Variants in MBTPS1 observed in about 807,000 individuals in gnomAD.
The protein encoded by MBTPS1 is membrane bound transcription factor peptidase, site 1.
A neutral mutation model predicts 127.8 loss-of-function variants in MBTPS1; 94 were observed. The ratio of observed to expected loss-of-function variants is 0.74; its 90% CI spans 0.62 to 0.87. MBTPS1 has a LOEUF of 0.87. Among genes scored for constraint, MBTPS1 ranks in the 40% least tolerant of loss-of-function variants. The pLI is 0.00. For missense variants in MBTPS1, 1,636 were observed against 1,353.2 expected (o/e 1.21, Z -3.28); for synonymous variants, 632 against 509.4 (o/e 1.24, Z -3.24).
At chr16:84,083,254 C>G (rs2085968393) in intron 10 of MBTPS1, among the ~76,000 whole-genome samples, 1 of 152,162 alleles carries the variant, frequency 6.6e-6, no homozygotes, top group Admixed American at 6.5e-5. Flanking sequence ...GGCCAGGTAG[C>G]CCACTATCCA....
intron 1 of MBTPS1, among the ~76,000 whole-genome samples, chr16:84,116,422 C>G (rs1308754840): frequency 5.9e-5 from 9 of 152,222 alleles, no homozygotes; most frequent in Non-Finnish European, 1.3e-4. Flanking sequence ...CGGAAGCGCA[C>G]CTAGAATTGA....
At chr16:84,079,550 C>T (rs373188184) in intron 11 of MBTPS1, among the ~76,000 whole-genome samples, 1 of 152,228 alleles carries the variant, frequency 6.6e-6, no homozygotes, top group South Asian at 2.1e-4. Context: ...ATACTATATT[C>T]AAAAAACTCA....
chr16:84,109,960 A>T (rs12923097), intron 1 of MBTPS1, among the ~76,000 whole-genome samples: 24,452 of 152,124 alleles, frequency 0.16, 2,163 homozygotes, highest in Non-Finnish European at 0.2. Flanking sequence ...TTTACTCTCA[A>T]ATGCTTTAGA....
chr16:84,099,775 C>CAA (rs57148184), intron 2 of MBTPS1, among the ~76,000 whole-genome samples: 8 of 76,372 alleles, frequency 1.0e-4, no homozygotes, highest in East Asian at 4.1e-4. Flanking sequence ...GCCTCCGTCT[C>CAA]AAAAAAAAAA....
In MBTPS1 at chr16:84,099,037, C is replaced by T. The variant is rs1394232066; in HGVS notation, c.421+16G>A. 4 of 1,609,306 alleles carry T rather than the reference C, an allele frequency of 2.5e-6. No individual in the cohort carries two copies. The highest frequency in any genetic ancestry group is 3.4e-6 in the Non-Finnish European group (4 of 1,176,902). Reference sequence around the variant, plus strand: ...TAAACAGCAGAGAGAAATTTGCCTACAGTCACAATACTCACATTCAGCATA... The same window carrying T: ...TAAACAGCAGAGAGAAATTTGCCTATAGTCACAATACTCACATTCAGCATA... On this transcript the variant is annotated intron_variant, in intron 3 of 22. Coordinates refer to ENST00000343411, the MANE Select transcript of MBTPS1 (RefSeq NM_003791.4).
At chr16:84,056,239 C>T (rs921093110) in intron 21 of MBTPS1, 104 bp from the exon 22 acceptor site, 118 of 962,842 alleles carry the variant, frequency 1.2e-4, no homozygotes, top group Middle Eastern at 8.9e-4. Flanking sequence ...AAGTGATCTA[C>T]GGGGAGATGT....
chr16:84,111,182 T>C (rs2086391653), intron 1 of MBTPS1, among the ~76,000 whole-genome samples: 1 of 149,904 alleles, frequency 6.7e-6, no homozygotes. Context: ...CCAGGTGTCA[T>C]CACAAGGGTG....
intron 11 of MBTPS1, among the ~76,000 whole-genome samples, chr16:84,078,553 C>G (rs8047017): frequency 0.73 from 111,704 of 152,076 alleles, 41,105 homozygotes; most frequent in East Asian, 0.86. Context: ...AAATTTTTAG[C>G]AATTTACCCT....
chr16:84,098,967 C>CA lies in MBTPS1; in HGVS notation c.421+85dup, dbSNP rs1269494325. The CA allele has an allele frequency of 8.7e-6, 11 of 1,260,182 alleles. No homozygotes were observed. In the African/African-American group the frequency reaches 1.2e-4, roughly 14 times the overall value. 78.1% of individuals were successfully genotyped at this position (1,260,182 alleles called of 1,614,324 possible). A position where few individuals can be genotyped will look rare whatever the true frequency, so the allele number is the denominator to read the frequency against. Reference sequence around the variant, plus strand: ...AACTAGATGGAAGGATGCGGATACTCACTGTACTATTTTTCAACTACTCTG... The same window carrying CA: ...AACTAGATGGAAGGATGCGGATACTCAACTGTACTATTTTTCAACTACTCTG... On this transcript the variant is annotated intron_variant, in intron 3 of 22. Coordinates refer to ENST00000343411, the MANE Select transcript of MBTPS1 (RefSeq NM_003791.4).
chr16:84,106,253 C>T (rs1484092955), intron 1 of MBTPS1, among the ~76,000 whole-genome samples: 1 of 152,130 alleles, frequency 6.6e-6, no homozygotes, highest in East Asian at 1.9e-4. Flanking sequence ...TGAGATCGTG[C>T]CACTACACTC....
chr16:84,103,242 T>C (rs1223436805), intron 1 of MBTPS1, among the ~76,000 whole-genome samples: 3 of 149,034 alleles, frequency 2.0e-5, no homozygotes, highest in Non-Finnish European at 4.5e-5. Context: ...ACTTAGGATT[T>C]TATTATTATT....
chr16:84,109,008 G>C (rs1177980718), intron 1 of MBTPS1, among the ~76,000 whole-genome samples: 1 of 152,220 alleles, frequency 6.6e-6, no homozygotes, highest in East Asian at 1.9e-4. Context: ...GCACGTGTAC[G>C]TGCTACACAC....
rs1418941047 is a variant in MBTPS1, at chr16:84,066,566, T to C, written c.2276A>G (p.Asn759Ser). 7 of 1,613,816 alleles carry C rather than the reference T, an allele frequency of 4.3e-6. No individual in the cohort carries two copies. Among genetic ancestry groups the C allele is most frequent in the Non-Finnish European group, 2.5e-6 (3 of 1,179,800 alleles). ...CATGTTCCACACAGACAGCAGCTCATTCAGAGCTGGGATGTTAGCTCCTCC... is the reference window on the plus strand; with the variant it reads ...CATGTTCCACACAGACAGCAGCTCACTCAGAGCTGGGATGTTAGCTCCTCC... ...DTGGANIPAL[N>S]ELLSVWNMGF... is the part of the protein sequence containing the mutation. The change falls in exon 17 of 23, where the codon AAT becomes AGT. Residue 759 changes from asparagine (N) to serine (S), a missense_variant. Asn to Ser is a conservative substitution (Grantham distance 46). Coordinates refer to ENST00000343411, the MANE Select transcript of MBTPS1 (RefSeq NM_003791.4).
Position 84,081,742 on chromosome 16 carries a change from C to G in MBTPS1, c.1448+5G>C, listed in dbSNP as rs756367003. The stretch of plus-strand genomic sequence containing the variant: ...AAAGACCCATCGGCAGGGCGGTGCA[C>G]TGACCTTGCCTGTGGCTTGTAGCTG... On this transcript the variant is annotated splice_donor_5th_base_variant and intron_variant, in intron 11 of 22. Coordinates refer to ENST00000343411, the MANE Select transcript of MBTPS1 (RefSeq NM_003791.4). 1 of 1,374,870 alleles carries G rather than the reference C, an allele frequency of 7.3e-7. No homozygotes were observed. Among genetic ancestry groups the G allele is most frequent in the Admixed American group, 2.9e-5 (1 of 34,374 alleles). 85.2% of individuals were successfully genotyped at this position (1,374,870 alleles called of 1,614,324 possible). A position where few individuals can be genotyped will look rare whatever the true frequency, so the allele number is the denominator to read the frequency against.
intron 9 of MBTPS1, among the ~76,000 whole-genome samples, chr16:84,086,783 C>T (rs987960988): frequency 8.5e-5 from 13 of 152,120 alleles, no homozygotes; most frequent in African/African-American, 3.1e-4. Flanking sequence ...CTGTTCTGCA[C>T]GAGCGTCTAA....
intron 1 of MBTPS1, among the ~76,000 whole-genome samples, chr16:84,107,419 C>A (rs116279214): frequency 6.6e-6 from 1 of 152,298 alleles, no homozygotes; most frequent in East Asian, 1.9e-4. Context: ...GACAAGGACA[C>A]ACCCCCTTGC....
intron 1 of MBTPS1, among the ~76,000 whole-genome samples, chr16:84,106,751 A>G (rs1244204846): frequency 1.3e-5 from 2 of 152,188 alleles, no homozygotes; most frequent in African/African-American, 4.8e-5. Context: ...AGGCTGAGGC[A>G]GGGAGCATCT....
At chr16:84,055,368 A>G (rs987134065) in intron 22 of MBTPS1, among the ~76,000 whole-genome samples, 1 of 152,210 alleles carries the variant, frequency 6.6e-6, no homozygotes, top group Non-Finnish European at 1.5e-5. Flanking sequence ...CTTGGTAGCT[A>G]TAAACTCTTT....
chr16:84,069,457 T>G (rs1597313775), intron 14 of MBTPS1, among the ~76,000 whole-genome samples: 1 of 151,408 alleles, frequency 6.6e-6, no homozygotes, highest in Admixed American at 6.6e-5. Flanking sequence ...AGAAGAGGAG[T>G]GGAATTTAGG....
Sources: allele counts gnomAD v4.1 joint callset (sites outside exome capture counted in the v4.1 genomes callset), GRCh38; gene constraint gnomAD v4.1.1; transcripts MANE v1.5; gene names NCBI Gene and HGNC (gene_info 2026-07-23, HGNC 2026-07-21).